The following BANK1 variants were observed in gnomAD, a reference collection of about 807,000 sequenced individuals.
BANK1 encodes B-cell scaffold protein with ankyrin repeats.
A neutral mutation model predicts 94.5 loss-of-function variants in BANK1; 95 were observed. The ratio of observed to expected loss-of-function variants is 1.00; its 90% CI spans 0.85 to 1.19. The LOEUF is 1.19. Ranked by LOEUF, BANK1 falls within the 50% of genes most tolerant of loss-of-function variation. The pLI is 0.00. For synonymous variants in BANK1, 334 were observed against 308.4 expected (o/e 1.08, Z -0.87); for missense variants, 987 against 932.2 (o/e 1.06, Z -0.77).
At chr4:101,847,645 A>G (rs1727299919) in intron 2 of BANK1, among the ~76,000 whole-genome samples, 1 of 151,806 alleles carries the variant, frequency 6.6e-6, no homozygotes, top group Non-Finnish European at 1.5e-5. Flanking sequence ...CTCCTGAGTT[A>G]CTTCACTTAG....
At chr4:102,021,774 A>C (rs979331032) in intron 8 of BANK1, among the ~76,000 whole-genome samples, 182 bp downstream of exon 8, 5 of 152,154 alleles carry the variant, frequency 3.3e-5, no homozygotes. Flanking sequence ...TAATTTAAAT[A>C]CTTTTAATAA....
chr4:101,840,158 C>CG (rs1483135001), intron 2 of BANK1, among the ~76,000 whole-genome samples: 2 of 148,624 alleles, frequency 1.3e-5, no homozygotes, highest in African/African-American at 5.0e-5. Flanking sequence ...TTAGTAGAGA[C>CG]GGGGTTTCAC....
intron 7 of BANK1, among the ~76,000 whole-genome samples, chr4:101,958,851 C>A (rs1032088113): frequency 6.6e-6 from 1 of 152,162 alleles, no homozygotes; most frequent in Non-Finnish European, 1.5e-5. Flanking sequence ...GACTGAATGA[C>A]AGTGCAGGTA....
At chr4:101,980,165 C>A (rs1421888025) in intron 7 of BANK1, among the ~76,000 whole-genome samples, 1 of 151,698 alleles carries the variant, frequency 6.6e-6, no homozygotes, top group Non-Finnish European at 1.5e-5. Flanking sequence ...AGTTCATTAA[C>A]TATTTTTTGT....
intron 13 of BANK1, 140 bp downstream of exon 13, chr4:102,063,278 C>G (rs1445555608): frequency 5.9e-6 from 4 of 682,294 alleles, no homozygotes; most frequent in African/African-American, 3.6e-5. Flanking sequence ...GTCTTAATCT[C>G]TGGTAGTCAA....
chr4:101,897,068 T>C (rs561021903), intron 6 of BANK1, among the ~76,000 whole-genome samples: 57 of 152,112 alleles, frequency 3.7e-4, no homozygotes, highest in Admixed American at 1.7e-3. Flanking sequence ...TAGGAACTTT[T>C]GTTCCACAAA....
intron 7 of BANK1, among the ~76,000 whole-genome samples, chr4:101,948,425 G>C (rs1018419427): frequency 6.6e-6 from 1 of 152,080 alleles, no homozygotes; most frequent in Non-Finnish European, 1.5e-5. Flanking sequence ...TTGACACTCA[G>C]ATCTGCAAAT....
In BANK1 at chr4:101,790,911, G is replaced by C; in HGVS notation, c.31G>C (p.Gly11Arg). The change falls in exon 1 of 17, where the codon GGG (glycine) becomes CGG (arginine). Residue 11 changes from glycine to arginine, a missense_variant. Physicochemically the swap from Gly to Arg is moderately radical, Grantham distance 125. Coordinates refer to ENST00000322953, the MANE Select transcript of BANK1 (RefSeq NM_017935.5). ...GCCAGCAGCGCCAGGCAAGGGGCTT[G>C]GGAGCCCGGACCCCGCCCCCTGCGG... is the stretch of plus-strand genomic sequence containing the variant. MLPAAPGKGL[G>R]SPDPAPCGPA... is the part of the protein sequence containing the mutation. 6.5e-7 allele frequency: 1 copy of C among 1,538,386 alleles called. No individual in the cohort carries two copies. The highest frequency in any genetic ancestry group is 8.7e-7 in the Non-Finnish European group (1 of 1,147,032).
intron 7 of BANK1, among the ~76,000 whole-genome samples, chr4:102,019,232 C>G (rs1461192679): frequency 2.6e-5 from 4 of 152,024 alleles, no homozygotes; most frequent in Non-Finnish European, 5.9e-5. Flanking sequence ...ATCTCTTTTT[C>G]TATTTTCAAT....
intron 7 of BANK1, among the ~76,000 whole-genome samples, chr4:101,997,877 T>A (rs1479768207): frequency 1.3e-5 from 2 of 152,220 alleles, no homozygotes; most frequent in Non-Finnish European, 2.9e-5. Flanking sequence ...AGCTCCTGGA[T>A]TCATTGATTT....
intron 7 of BANK1, among the ~76,000 whole-genome samples, chr4:101,986,540 G>A (rs967981059): frequency 8.6e-5 from 13 of 151,588 alleles, no homozygotes; most frequent in African/African-American, 2.2e-4. Context: ...GAATTTTTTC[G>A]ATGACAAGAA....
chr4:101,819,101 G>T (rs1256812771), intron 1 of BANK1, among the ~76,000 whole-genome samples: 1 of 152,028 alleles, frequency 6.6e-6, no homozygotes, highest in Admixed American at 6.6e-5. Flanking sequence ...CTCAAGGCAA[G>T]ATGTCATTTA....
At chr4:102,058,532 A>G (rs1359895256) in intron 11 of BANK1, among the ~76,000 whole-genome samples, 1 of 152,096 alleles carries the variant, frequency 6.6e-6, no homozygotes. Context: ...TTCTTATCTA[A>G]ATGCAATAAA....
At chr4:101,894,057 A>G (rs959131329) in intron 5 of BANK1, among the ~76,000 whole-genome samples, 15 of 152,062 alleles carry the variant, frequency 9.9e-5, no homozygotes, top group African/African-American at 3.4e-4. Context: ...CATGTCTTCC[A>G]TAAAGCCTTT....
At chr4:101,867,237 A>G (rs1374526523) in intron 4 of BANK1, among the ~76,000 whole-genome samples, 4 of 151,904 alleles carry the variant, frequency 2.6e-5, no homozygotes, top group African/African-American at 9.7e-5. Flanking sequence ...CACAAGCAAG[A>G]AAATAGTGGA....
intron 1 of BANK1, among the ~76,000 whole-genome samples, chr4:101,796,776 C>A (rs561977712): frequency 2.0e-5 from 3 of 152,078 alleles, no homozygotes; most frequent in Non-Finnish European, 2.9e-5. Flanking sequence ...AATTTTATAG[C>A]ATACTGTTTC....
At chr4:101,852,344 G>A (rs1440092163) in intron 2 of BANK1, among the ~76,000 whole-genome samples, 1 of 149,982 alleles carries the variant, frequency 6.7e-6, no homozygotes, top group African/African-American at 2.4e-5. Flanking sequence ...CATTTTCAGT[G>A]TAGAAAAATC....
intron 7 of BANK1, among the ~76,000 whole-genome samples, chr4:101,936,313 A>G (rs1321588744): frequency 2.7e-5 from 4 of 150,498 alleles, no homozygotes; most frequent in African/African-American, 7.3e-5. Context: ...ATGCATATGT[A>G]CACATATGTA....
At chr4:101,887,719 T>A (rs980728653) in intron 5 of BANK1, among the ~76,000 whole-genome samples, 1 of 152,306 alleles carries the variant, frequency 6.6e-6, no homozygotes, top group South Asian at 2.1e-4. Flanking sequence ...TATGAAAACC[T>A]AATCAATAAT....
Sources: gnomAD v4.1 joint callset for allele counts (sites outside exome capture counted in the v4.1 genomes callset) on GRCh38, gnomAD v4.1.1 for gene constraint, MANE v1.5 for transcripts, NCBI Gene and HGNC (gene_info 2026-07-23, HGNC 2026-07-21) for gene names.